Variants in CCDC81 observed in about 807,000 individuals in gnomAD.
CCDC81 encodes coiled-coil domain-containing protein 81.
Under a neutral mutation model 83.7 loss-of-function variants are expected in CCDC81, and 79 were observed. The observed-to-expected ratio is 0.94, with a 90% confidence interval of 0.79 to 1.14. The LOEUF is 1.14. Among genes scored for constraint, CCDC81 ranks in the 50% most tolerant of loss-of-function variants. The probability of loss-of-function intolerance (pLI) is 0.00; values close to 1 mark genes in which losing one functional copy is unlikely to be tolerated. For synonymous variants in CCDC81, 252 were observed against 278.1 expected (o/e 0.91, Z 0.93); for missense variants, 791 against 778.1 (o/e 1.02, Z -0.20).
intron 10 of CCDC81, among the ~76,000 whole-genome samples, chr11:86,410,138 C>T (rs545371940): frequency 6.6e-6 from 1 of 152,304 alleles, no homozygotes; most frequent in Admixed American, 6.5e-5. Context: ...GGTGGTGAGC[C>T]AACTGCTTCA....
chr11:86,389,893 C>G (rs1948299916), intron 3 of CCDC81, among the ~76,000 whole-genome samples: 2 of 152,136 alleles, frequency 1.3e-5, no homozygotes, highest in African/African-American at 4.8e-5. Flanking sequence ...ATCACAAGGT[C>G]AAGAGATTGA....
At chr11:86,408,083 G>C (rs776535250) in intron 8 of CCDC81, 44 bp from the exon 9 acceptor site, 3 of 1,600,964 alleles carry the variant, frequency 1.9e-6, no homozygotes, top group South Asian at 1.1e-5. Context: ...AAAGCAAAAA[G>C]GTAAAATGTA....
chr11:86,390,899 G>A (rs1238456382), intron 3 of CCDC81, among the ~76,000 whole-genome samples: 3 of 152,182 alleles, frequency 2.0e-5, no homozygotes, highest in Non-Finnish European at 4.4e-5. Flanking sequence ...CCAGAGCTTA[G>A]GAGAAGAGTG....
chr11:86,384,521 T>G (rs1420350338), intron 1 of CCDC81, among the ~76,000 whole-genome samples: 1 of 152,212 alleles, frequency 6.6e-6, no homozygotes, highest in Non-Finnish European at 1.5e-5. Flanking sequence ...CCACCAAACC[T>G]GCCCCTTTCC....
chr11:86,412,519 G>C lies in CCDC81; in HGVS notation c.1351G>C (p.Glu451Gln). ...ENEIKQRQYR[E>Q]LMDRLEQVQL... ...CGAAATAAAGCAAAGACAATACAGA[G>C]AGTTGATGGACCGCCTGGAACAAGT... is the stretch of plus-strand genomic sequence containing the variant. The change falls in exon 11 of 15, where the codon GAG becomes CAG. Residue 451 changes from glutamate (E) to glutamine (Q), a missense_variant. Glu to Gln is a conservative substitution (Grantham distance 29, BLOSUM62 2). Coordinates refer to ENST00000445632, the MANE Select transcript of CCDC81 (RefSeq NM_001156474.2). 1 of 1,613,436 alleles carries C rather than the reference G, an allele frequency of 6.2e-7. No homozygotes were observed. The highest frequency in any genetic ancestry group is 8.5e-7 in the Non-Finnish European group (1 of 1,179,784).
rs764885688 is a variant in CCDC81 at position 86,375,515 on chromosome 11, T to TA, written c.79+278dup. On this transcript the variant is annotated intron_variant, in intron 1 of 14. Coordinates refer to ENST00000445632, the MANE Select transcript of CCDC81 (RefSeq NM_001156474.2). Reference sequence around the variant, plus strand: ...AAGTAAGTGCTCAATAAAGGTTAGGTAAAAACAGCCACTCCCACACCACTC... The same window carrying TA: ...AAGTAAGTGCTCAATAAAGGTTAGGTAAAAAACAGCCACTCCCACACCACTC... 1.2e-4 allele frequency among the ~76,000 whole-genome samples: 19 copies of TA among 152,224 alleles called. No homozygotes were observed. In the East Asian group the frequency reaches 3.7e-3, roughly 29 times the overall value.
chr11:86,389,696 T>G (rs996657188), intron 3 of CCDC81, among the ~76,000 whole-genome samples: 1 of 152,222 alleles, frequency 6.6e-6, no homozygotes, highest in Non-Finnish European at 1.5e-5. Flanking sequence ...CAATTAGACA[T>G]GAGATTTGGG....
intron 6 of CCDC81, among the ~76,000 whole-genome samples, chr11:86,399,331 T>C (rs1265535340): frequency 6.6e-5 from 10 of 152,168 alleles, no homozygotes; most frequent in Admixed American, 6.5e-4. Flanking sequence ...CATGTTCTTC[T>C]TTTTCTTTGA....
intron 14 of CCDC81, among the ~76,000 whole-genome samples, chr11:86,421,601 C>T (rs1190429370): frequency 3.3e-5 from 5 of 152,324 alleles, no homozygotes; most frequent in South Asian, 4.1e-4. Flanking sequence ...TAAGCCACCG[C>T]GCCCGGCCGA....
chr11:86,387,440 T>G, intron 2 of CCDC81, 76 bp from the exon 3 acceptor site: 1 of 1,436,076 alleles, frequency 7.0e-7, no homozygotes, highest in South Asian at 1.2e-5. Context: ...TTCGTGTTTT[T>G]TAGATAATAA....
chr11:86,419,065 T>G (rs907121345), intron 13 of CCDC81: 1 of 152,320 alleles, frequency 6.6e-6, no homozygotes. Flanking sequence ...AAGGAAAAAG[T>G]GAGACAGTAT....
At chr11:86,393,040 G>A (rs191294394) in intron 4 of CCDC81, among the ~76,000 whole-genome samples, 5 of 152,258 alleles carry the variant, frequency 3.3e-5, no homozygotes, top group Admixed American at 1.3e-4. Flanking sequence ...TTAGAATTCT[G>A]AACATTTTAT....
intron 13 of CCDC81, among the ~76,000 whole-genome samples, chr11:86,416,668 C>T (rs570635555): frequency 2.6e-5 from 4 of 152,256 alleles, no homozygotes; most frequent in African/African-American, 9.6e-5. Context: ...TGAACACATC[C>T]CTGTTTCTGT....
chr11:86,419,766 G>C (rs768910218), intron 13 of CCDC81, 162 bp from the exon 14 acceptor site: 45 of 540,908 alleles, frequency 8.3e-5, no homozygotes, highest in Middle Eastern at 4.9e-4. Context: ...TGAGAGCTAG[G>C]AATTTCAGTA....
chr11:86,387,073 T>C (rs1398567872), intron 2 of CCDC81, among the ~76,000 whole-genome samples: 1 of 152,238 alleles, frequency 6.6e-6, no homozygotes, highest in East Asian at 1.9e-4. Flanking sequence ...CATTGCAGCA[T>C]ATGATTTGGA....
At chr11:86,377,357 A>T (rs1948111155) in intron 1 of CCDC81, among the ~76,000 whole-genome samples, 1 of 152,184 alleles carries the variant, frequency 6.6e-6, no homozygotes, top group Admixed American at 6.5e-5. Flanking sequence ...GAGGATGTTT[A>T]GTTTTGTGAG....
chr11:86,392,986 A>G (rs901459184), intron 4 of CCDC81, among the ~76,000 whole-genome samples, 189 bp downstream of exon 4: 2 of 152,250 alleles, frequency 1.3e-5, no homozygotes, highest in African/African-American at 4.8e-5. Context: ...AAGGAACATT[A>G]AGAATCAAAG....
intron 3 of CCDC81, among the ~76,000 whole-genome samples, chr11:86,391,319 G>A (rs1398736253): frequency 2.0e-5 from 3 of 152,234 alleles, no homozygotes; most frequent in Admixed American, 2.0e-4. Flanking sequence ...TCATCATTTA[G>A]CAGTGGTGGA....
chr11:86,376,762 G>A (rs1192134007), intron 1 of CCDC81, among the ~76,000 whole-genome samples: 1 of 152,124 alleles, frequency 6.6e-6, no homozygotes, highest in Non-Finnish European at 1.5e-5. Context: ...ATCCCTCACC[G>A]GAGTGGTACA....
Sources: gnomAD v4.1 joint callset for allele counts (sites outside exome capture counted in the v4.1 genomes callset) on GRCh38, gnomAD v4.1.1 for gene constraint, MANE v1.5 for transcripts, NCBI Gene and HGNC (gene_info 2026-07-23, HGNC 2026-07-21) for gene names.